Variants in COL6A3 observed in about 807,000 individuals in gnomAD.
COL6A3 encodes the protein collagen alpha-3(VI) chain.
Under a neutral mutation model 274.1 loss-of-function variants are expected in COL6A3, and 137 were observed. The ratio of observed to expected loss-of-function variants is 0.50; its 90% CI spans 0.44 to 0.58. The LOEUF (loss-of-function observed/expected upper bound fraction) is 0.58. Ranked by LOEUF, COL6A3 falls within the 20% of genes least tolerant of loss-of-function variation. COL6A3 has a pLI of 0.00. For synonymous variants in COL6A3, 1,650 were observed against 1,650.6 expected (o/e 1.00, Z 0.01); for missense variants, 3,950 against 4,124.9 (o/e 0.96, Z 1.16).
intron 26 of COL6A3, among the ~76,000 whole-genome samples, chr2:237,351,942 G>C (rs1316128218): frequency 6.6e-6 from 1 of 152,188 alleles, no homozygotes; most frequent in Non-Finnish European, 1.5e-5. Context: ...TAAATGATAG[G>C]ATGCCTCCCT....
At chr2:237,383,742 C>T (rs528880329) in intron 4 of COL6A3, among the ~76,000 whole-genome samples, 1 of 152,132 alleles carries the variant, frequency 6.6e-6, no homozygotes, top group African/African-American at 2.4e-5. Context: ...AGCAATGGCA[C>T]AACTCTTGGG....
Position 237,324,258 on chromosome 2 carries a change from C to G in COL6A3, c.*516G>C, listed in dbSNP as rs1196889020. 6.3e-6 allele frequency: 1 copy of G among 159,144 alleles called. No homozygotes were observed. The highest frequency in any genetic ancestry group is 1.4e-5 in the Non-Finnish European group (1 of 71,836). The allele number at this position is 159,144 out of a possible 1,614,324, so 9.9% of individuals were successfully genotyped here. A position where few individuals can be genotyped will look rare whatever the true frequency, so the allele number is the denominator to read the frequency against. On this transcript the variant is annotated 3_prime_UTR_variant, in exon 44 of 44. Coordinates refer to ENST00000295550, the MANE Select transcript of COL6A3 (RefSeq NM_004369.4). ...GAACTAGATCATTTGTTAGAGGCTT[C>G]AGAAAAAGAAAATTAGCTTGAAATC...
rs1201336998 is a variant in COL6A3, at chr2:237,344,207, A to G, written c.7668+143T>C. On this transcript the variant is annotated intron_variant, in intron 36 of 43. Coordinates refer to ENST00000295550, the MANE Select transcript of COL6A3 (RefSeq NM_004369.4). The surrounding 1 kb of genome is among the most constrained non-coding windows in gnomAD (Gnocchi z 4.8). ...GAGGTTGTCCTGGAGACCTCACAAG[A>G]GAAGTTCTCAGGCAGATGGCCTCAT... The G allele has an allele frequency of 2.4e-6, 3 of 1,274,202 alleles. No homozygotes were observed. In the African/African-American group the frequency reaches 4.4e-5, roughly 19 times the overall value. 78.9% of individuals were successfully genotyped at this position (1,274,202 alleles called of 1,614,324 possible).
chr2:237,333,404 G>A (rs766330794), intron 42 of COL6A3, 46 bp downstream of exon 42: 7 of 1,540,536 alleles, frequency 4.5e-6, no homozygotes, highest in Non-Finnish European at 6.3e-6. Flanking sequence ...ATCAAGATGG[G>A]TATTTTCTTA....
In COL6A3 at chr2:237,371,936, G is replaced by T; in HGVS notation, c.4081C>A (p.Gln1361Lys). The change falls in exon 9 of 44, where the codon CAG becomes AAG. Residue 1361 changes from glutamine to lysine, a missense_variant. Gln to Lys is a moderately conservative substitution (Grantham distance 53, BLOSUM62 1). Coordinates refer to ENST00000295550, the MANE Select transcript of COL6A3 (RefSeq NM_004369.4). This position sits in a 1 kb window ranked among gnomAD's most constrained non-coding sequence, Gnocchi z 4.3. ...ATCGTGAAAGGGGCCACGCCAAACT[G>T]CTTGAGCTCCACCGCCGGGTCGTCC... Reference protein sequence around the residue: ...EVDDPAVELKQFGVAPFTIAR... With the variant: ...EVDDPAVELKKFGVAPFTIAR... 1 of 1,614,058 alleles carries T rather than the reference G, an allele frequency of 6.2e-7. No homozygotes were observed. Among genetic ancestry groups the T allele is most frequent in the African/African-American group, 1.3e-5 (1 of 75,038 alleles).
chr2:237,344,859 G>C lies in COL6A3; in HGVS notation c.7175-16C>G, dbSNP rs774882173. 2 of 1,613,744 alleles carry C rather than the reference G, an allele frequency of 1.2e-6. No individual in the cohort carries two copies. The highest frequency in any genetic ancestry group is 2.2e-5 in the South Asian group (2 of 91,078). ...TCCAGGGGCCCTGTGGAAAGTAGAG[G>C]GTGGAGGGTTAAAGACAAACTGTAC... On this transcript the variant is annotated splice_polypyrimidine_tract_variant and intron_variant, in intron 35 of 43. Transcript: ENST00000295550. The surrounding 1 kb of genome is among the most constrained non-coding windows in gnomAD (Gnocchi z 4.8).
At chr2:237,390,857 CT>C (rs1008107699) in intron 3 of COL6A3, among the ~76,000 whole-genome samples, 1 of 152,140 alleles carries the variant, frequency 6.6e-6, no homozygotes, top group Non-Finnish European at 1.5e-5. Flanking sequence ...TCACCTTTAG[CT>C]TTTGTTTTAA....
At chr2:237,350,431 G>T (rs893004539) in intron 27 of COL6A3, among the ~76,000 whole-genome samples, 1 of 152,144 alleles carries the variant, frequency 6.6e-6, no homozygotes, top group Non-Finnish European at 1.5e-5. Context: ...CATGGGGGAC[G>T]GGCTGATGAG....
At chr2:237,353,068 T>C (rs1280784579) in intron 25 of COL6A3, among the ~76,000 whole-genome samples, 1 of 152,168 alleles carries the variant, frequency 6.6e-6, no homozygotes, top group Non-Finnish European at 1.5e-5. Flanking sequence ...ATATCCATAG[T>C]GGGCAAATCC....
chr2:237,358,414 C>A, intron 21 of COL6A3, 107 bp downstream of exon 21: 1 of 939,298 alleles, frequency 1.1e-6, no homozygotes, highest in Non-Finnish European at 1.7e-6. Context: ...ATTTTATCAA[C>A]GTGTTTTAAA....
intron 37 of COL6A3, 148 bp downstream of exon 37, chr2:237,341,917 G>A (rs1157140568): frequency 1.4e-6 from 1 of 701,040 alleles, no homozygotes; most frequent in Non-Finnish European, 2.5e-6. Flanking sequence ...AACTGCTGCA[G>A]TAGTATTTAC....
Position 237,351,147 on chromosome 2 carries a change from CG to C in COL6A3, c.6798del (p.Gly2267ValfsTer64). 1 of 1,614,210 alleles carries C rather than the reference CG, an allele frequency of 6.2e-7. No homozygotes were observed. On this transcript the variant is annotated frameshift_variant, in exon 27 of 44. Coordinates refer to ENST00000295550, the MANE Select transcript of COL6A3 (RefSeq NM_004369.4). LOFTEE classifies it high-confidence loss of function. ...AGACAAACCTTTCTTCCCAGTGGAC[CG>C]GTTCTGCCTCGTTCTCCAGGAGCAC... is the stretch of plus-strand genomic sequence containing the variant. ...AAGAPGERGR[T>X]GPLGRKGEPG...
At chr2:237,358,088 A>G (rs2077357217) in intron 21 of COL6A3, among the ~76,000 whole-genome samples, 1 of 152,224 alleles carries the variant, frequency 6.6e-6, no homozygotes, top group South Asian at 2.1e-4. Context: ...AGCCCCAAAC[A>G]GGTGCAATCG....
intron 10 of COL6A3, 54 bp from the exon 11 acceptor site, chr2:237,367,340 A>G: frequency 6.4e-7 from 1 of 1,563,364 alleles, no homozygotes; most frequent in Non-Finnish European, 8.7e-7. Context: ...GACCCAGAAC[A>G]TAAATACACA....
chr2:237,366,560 G>T, intron 11 of COL6A3, 127 bp downstream of exon 11: 2 of 1,395,124 alleles, frequency 1.4e-6, no homozygotes, highest in Non-Finnish European at 2.0e-6. Context: ...GTCCCAGTGG[G>T]TATAAGTAAA....
chr2:237,372,414 G>C (rs1252950280), intron 8 of COL6A3, 77 bp from the exon 9 acceptor site: 15 of 1,599,016 alleles, frequency 9.4e-6, no homozygotes, highest in Non-Finnish European at 1.1e-5. Context: ...CGCCCAGTTT[G>C]TCATGGATTC....
At chr2:237,334,359 G>A (rs1490733581) in intron 41 of COL6A3, among the ~76,000 whole-genome samples, 2 of 152,166 alleles carry the variant, frequency 1.3e-5, no homozygotes, top group African/African-American at 2.4e-5. Context: ...GTGCTCAGGC[G>A]ACGTGGATCT....
At chr2:237,366,621 C>T in intron 11 of COL6A3, 66 bp downstream of exon 11, 1 of 1,613,080 alleles carries the variant, frequency 6.2e-7, no homozygotes, top group Non-Finnish European at 8.5e-7. Flanking sequence ...CACCAGGGAC[C>T]AGACAGCTAA....
Position 237,371,399 on chromosome 2 carries a change from C to T in COL6A3, c.4285+333G>A, listed in dbSNP as rs1223125035. 2.6e-5 allele frequency among the ~76,000 whole-genome samples: 4 copies of T among 152,220 alleles called. No homozygotes were observed. The highest frequency in any genetic ancestry group is 1.9e-4 in the East Asian group (1 of 5,164). Reference sequence around the variant, plus strand: ...ATCACTTGAGCTCAGGGGCTTGAGACCAGCCTGGCCAACATGGTGAAACCC... The same window carrying T: ...ATCACTTGAGCTCAGGGGCTTGAGATCAGCCTGGCCAACATGGTGAAACCC... On this transcript the variant is annotated intron_variant, in intron 9 of 43. Transcript: ENST00000295550. The surrounding 1 kb of genome is among the most constrained non-coding windows in gnomAD (Gnocchi z 4.3).
Sources: gnomAD v4.1 joint callset for allele counts (sites outside exome capture counted in the v4.1 genomes callset) on GRCh38, gnomAD v4.1.1 for gene constraint, Gnocchi (gnomAD v3.1) non-coding constraint, MANE v1.5 for transcripts, NCBI Gene and HGNC (gene_info 2026-07-23, HGNC 2026-07-21) for gene names.